Variants in EHBP1 observed in about 807,000 individuals in gnomAD.
EHBP1 encodes EH domain-binding protein 1.
EHBP1 carries 55 observed loss-of-function variants against 144.0 expected under a neutral mutation model. The observed-to-expected ratio is 0.38, with a 90% confidence interval of 0.31 to 0.48. EHBP1 has a LOEUF of 0.48. EHBP1 is among the 20% of genes least tolerant of loss of function. The pLI, the probability that EHBP1 is intolerant of heterozygous loss-of-function variation, is 0.98. For missense variants in EHBP1, 1,200 were observed against 1,364.2 expected (o/e 0.88, Z 1.90); for synonymous variants, 469 against 472.7 (o/e 0.99, Z 0.10).
At chr2:62,787,388 A>T (rs930798633) in intron 5 of EHBP1, among the ~76,000 whole-genome samples, 1 of 74,644 alleles carries the variant, frequency 1.3e-5, no homozygotes, top group Non-Finnish European at 2.8e-5. Context: ...CCCACACTGC[A>T]CCGCTGCCCC....
Position 62,706,911 on chromosome 2 carries a change from C to T in EHBP1, c.-281C>T. ...TTGCTTTTCAGCCCTCCAGAATACC[C>T]ATCATATAGCCCCTGAGGTGGCATG... On this transcript the variant is annotated 5_prime_UTR_variant, in exon 2 of 23. Transcript: ENST00000431489. The T allele has an allele frequency of 3.0e-6, 1 of 334,564 alleles. No homozygotes were observed. The allele number at this position is 334,564 out of a possible 1,614,324, so 20.7% of individuals were successfully genotyped here. A position where few individuals can be genotyped will look rare whatever the true frequency, so the allele number is the denominator to read the frequency against.
At chr2:62,988,363 T>C (rs2059283200) in intron 15 of EHBP1, among the ~76,000 whole-genome samples, 1 of 152,148 alleles carries the variant, frequency 6.6e-6, no homozygotes, top group Non-Finnish European at 1.5e-5. Flanking sequence ...TTTGGTGTGA[T>C]GTCAGAAGGT....
At chr2:62,879,258 C>T (rs1485925061) in intron 10 of EHBP1, among the ~76,000 whole-genome samples, 1 of 152,098 alleles carries the variant, frequency 6.6e-6, no homozygotes, top group East Asian at 1.9e-4. Context: ...TGTCACCACT[C>T]CTATTCAACA....
intron 2 of EHBP1, among the ~76,000 whole-genome samples, chr2:62,717,100 G>A (rs1362291587): frequency 6.6e-6 from 1 of 151,980 alleles, no homozygotes; most frequent in Non-Finnish European, 1.5e-5. Flanking sequence ...TTCCTGTCAT[G>A]ATTTTAAAGA....
chr2:62,683,004 ATTAGGATGCT>A (rs2033585095), intron 1 of EHBP1, among the ~76,000 whole-genome samples: 2 of 152,190 alleles, frequency 1.3e-5, no homozygotes, highest in Admixed American at 6.5e-5. Flanking sequence ...AAATGGCTAT[ATTAGGATGCT>A]TTCAGTTGCA....
intron 2 of EHBP1, among the ~76,000 whole-genome samples, chr2:62,730,192 A>C (rs955479781): frequency 1.3e-5 from 2 of 151,804 alleles, no homozygotes; most frequent in African/African-American, 4.8e-5. Flanking sequence ...ATCTGCCCCT[A>C]TTTCCCCCCA....
Position 62,707,181 on chromosome 2 carries a change from G to T in EHBP1, c.-11G>T. 1 of 1,612,708 alleles carries T rather than the reference G, an allele frequency of 6.2e-7. No individual in the cohort carries two copies. Among genetic ancestry groups the T allele is most frequent in the South Asian group, 1.1e-5 (1 of 91,038 alleles). ...TAACCCAGAACTGCTCCAGTGTCTT[G>T]ACTGATCATCATGGCTTCAGTTTGG... On this transcript the variant is annotated 5_prime_UTR_variant, in exon 2 of 23. Transcript: ENST00000431489.
At chr2:63,039,875 A>G (rs2061589763) in intron 21 of EHBP1, among the ~76,000 whole-genome samples, 1 of 152,138 alleles carries the variant, frequency 6.6e-6, no homozygotes, top group African/African-American at 2.4e-5. Context: ...ATCCTCATTT[A>G]TAAATCTGAT....
At chr2:62,919,862 A>C (rs998055571) in intron 10 of EHBP1, among the ~76,000 whole-genome samples, 2 of 152,182 alleles carry the variant, frequency 1.3e-5, no homozygotes, top group Non-Finnish European at 2.9e-5. Context: ...TGAAAAGTAC[A>C]ATAACTGAAA....
intron 15 of EHBP1, chr2:62,987,970 T>A: frequency 1.2e-6 from 2 of 1,607,052 alleles, no homozygotes; most frequent in Non-Finnish European, 1.7e-6. Flanking sequence ...AACGAGGAGA[T>A]CCCTGAAGGC....
chr2:62,875,135 G>A (rs981690760), intron 10 of EHBP1, among the ~76,000 whole-genome samples: 11 of 152,280 alleles, frequency 7.2e-5, no homozygotes, highest in East Asian at 5.8e-4. Context: ...CCTCATTGCC[G>A]CCACCAGTGC....
intron 19 of EHBP1, among the ~76,000 whole-genome samples, chr2:63,021,293 A>G (rs1323763496): frequency 6.6e-6 from 1 of 152,094 alleles, no homozygotes; most frequent in East Asian, 1.9e-4. Flanking sequence ...GGAATTTGAC[A>G]TAAGGCTAGA....
At chr2:62,753,297 A>C (rs952980965) in intron 3 of EHBP1, among the ~76,000 whole-genome samples, 2 of 152,248 alleles carry the variant, frequency 1.3e-5, no homozygotes, top group East Asian at 1.9e-4. Context: ...CTGGGTTGAA[A>C]ATTCTTTTCT....
intron 13 of EHBP1, among the ~76,000 whole-genome samples, chr2:62,954,403 T>C (rs1312921850): frequency 2.0e-5 from 3 of 152,220 alleles, no homozygotes; most frequent in African/African-American, 7.2e-5. Flanking sequence ...TTATACATTT[T>C]ATTTGTATCT....
chr2:62,764,142 C>A (rs1036528855), intron 3 of EHBP1, 124 bp from the exon 4 acceptor site: 2 of 684,266 alleles, frequency 2.9e-6, no homozygotes, highest in Non-Finnish European at 4.6e-6. Flanking sequence ...GGTCAATATA[C>A]CATTGTAAAT....
chr2:62,816,372 A>G (rs775521569), intron 5 of EHBP1, among the ~76,000 whole-genome samples: 13 of 152,214 alleles, frequency 8.5e-5, no homozygotes, highest in East Asian at 3.9e-4. Context: ...TTTTAAATGA[A>G]TGAAATGTTT....
At chr2:62,835,087 T>G (rs2047107134) in intron 7 of EHBP1, among the ~76,000 whole-genome samples, 1 of 152,236 alleles carries the variant, frequency 6.6e-6, no homozygotes, top group South Asian at 2.1e-4. Flanking sequence ...AAATTTTGCC[T>G]GTTGATATTT....
In EHBP1 at chr2:63,011,240, A is replaced by G. The variant is rs2060254870; in HGVS notation, c.3103+14474A>G. Among the ~76,000 whole-genome samples, 4 of 151,948 alleles carry G rather than the reference A, an allele frequency of 2.6e-5. No individual in the cohort carries two copies. In the South Asian group the frequency reaches 6.2e-4, roughly 24 times the overall value. The stretch of plus-strand genomic sequence containing the variant: ...AATTCCATCAAAGCTTAAAAAAATC[A>G]ATCATTAATTTATTCTAACTACAAT... On this transcript the variant is annotated intron_variant, in intron 19 of 22. Transcript: ENST00000431489.
intron 2 of EHBP1, among the ~76,000 whole-genome samples, chr2:62,736,657 C>T (rs2038167261): frequency 6.6e-6 from 1 of 152,238 alleles, no homozygotes; most frequent in East Asian, 1.9e-4. Flanking sequence ...TGTTTTTGAT[C>T]TCTAGCATTT....
Sources: allele counts gnomAD v4.1 joint callset (sites outside exome capture counted in the v4.1 genomes callset), GRCh38; gene constraint gnomAD v4.1.1; transcripts MANE v1.5; gene names NCBI Gene and HGNC (gene_info 2026-07-23, HGNC 2026-07-21).